The following SRBD1 variants were observed in gnomAD, a reference collection of about 807,000 sequenced individuals.
SRBD1 encodes S1 RNA-binding domain-containing protein 1.
In SRBD1, 88 loss-of-function variants were observed where a neutral mutation model predicts 115.3. That is an observed-to-expected ratio of 0.76 (90% CI 0.64 to 0.91). The LOEUF is 0.91. SRBD1 is among the 40% of genes least tolerant of loss of function. The pLI is 0.00. For missense variants in SRBD1, 1,385 were observed against 1,177.4 expected (o/e 1.18, Z -2.58); for synonymous variants, 509 against 407.7 (o/e 1.25, Z -2.99).
intron 17 of SRBD1, 146 bp from the exon 18 acceptor site, chr2:45,418,687 A>T (rs59246865): frequency 4.6e-6 from 2 of 434,030 alleles, no homozygotes; most frequent in Non-Finnish European, 7.1e-6. Context: ...AAAAAAAAAA[A>T]CAAAAAAAAA....
intron 16 of SRBD1, among the ~76,000 whole-genome samples, chr2:45,460,682 A>G (rs1669286617): frequency 6.6e-6 from 1 of 152,242 alleles, no homozygotes; most frequent in African/African-American, 2.4e-5. Flanking sequence ...CTTTATAAAA[A>G]GTAGCAAAAC....
intron 17 of SRBD1, among the ~76,000 whole-genome samples, 164 bp from the exon 18 acceptor site, chr2:45,418,705 A>G (rs1572618812): frequency 6.6e-6 from 1 of 151,996 alleles, no homozygotes; most frequent in Non-Finnish European, 1.5e-5. Context: ...AAAACGGAGA[A>G]AAAAAGAGTT....
intron 14 of SRBD1, among the ~76,000 whole-genome samples, chr2:45,490,595 T>C (rs1461949172): frequency 1.3e-5 from 2 of 152,162 alleles, no homozygotes; most frequent in Non-Finnish European, 2.9e-5. Context: ...TTTCTATCAT[T>C]TCCAGAAGCC....
chr2:45,407,508 AG>A (rs2103845061), intron 19 of SRBD1, among the ~76,000 whole-genome samples: 1 of 152,276 alleles, frequency 6.6e-6, no homozygotes, highest in East Asian at 1.9e-4. Context: ...ATCCTCCCCA[AG>A]GAGTTATTAG....
chr2:45,602,884 A>T (rs1215812847), intron 2 of SRBD1, among the ~76,000 whole-genome samples: 1 of 152,210 alleles, frequency 6.6e-6, no homozygotes, highest in East Asian at 1.9e-4. Context: ...ACCTGACTGG[A>T]TGACTTCTTA....
chr2:45,546,951 T>A, intron 13 of SRBD1, 112 bp from the exon 14 acceptor site: 1 of 998,136 alleles, frequency 1.0e-6, no homozygotes, highest in Non-Finnish European at 1.5e-6. Flanking sequence ...TATTCTCTCA[T>A]ATATACAAGC....
At chr2:45,453,503 T>A (rs1480505295) in intron 16 of SRBD1, among the ~76,000 whole-genome samples, 1 of 151,912 alleles carries the variant, frequency 6.6e-6, no homozygotes. Context: ...TACATTACTT[T>A]TAATCACTCC....
chr2:45,568,722 A>G (rs1672913603), intron 9 of SRBD1, among the ~76,000 whole-genome samples: 1 of 152,248 alleles, frequency 6.6e-6, no homozygotes, highest in Non-Finnish European at 1.5e-5. Flanking sequence ...TTAACAGAAT[A>G]AAAGCATTAA....
At chr2:45,450,752 T>G (rs1668967895) in intron 16 of SRBD1, among the ~76,000 whole-genome samples, 1 of 152,126 alleles carries the variant, frequency 6.6e-6, no homozygotes, top group African/African-American at 2.4e-5. Context: ...CTATCTTGGC[T>G]GAGTAGCACT....
intron 16 of SRBD1, among the ~76,000 whole-genome samples, chr2:45,443,908 G>A (rs1668745163): frequency 6.6e-6 from 1 of 151,736 alleles, no homozygotes; most frequent in South Asian, 2.1e-4. Context: ...ATCAGACCAG[G>A]CGCTTAATCT....
chr2:45,510,193 A>C (rs1434656715), intron 14 of SRBD1, among the ~76,000 whole-genome samples: 2 of 152,186 alleles, frequency 1.3e-5, no homozygotes, highest in East Asian at 1.9e-4. Context: ...CTTTAACTTC[A>C]TTATTTAAAA....
At chr2:45,600,563 G>A (rs1392589351) in intron 3 of SRBD1, among the ~76,000 whole-genome samples, 4 of 152,140 alleles carry the variant, frequency 2.6e-5, no homozygotes, top group African/African-American at 7.2e-5. Context: ...ATAGAACACA[G>A]AATGATAGCA....
At chr2:45,501,831 C>A (rs1208938964) in intron 14 of SRBD1, among the ~76,000 whole-genome samples, 1 of 152,180 alleles carries the variant, frequency 6.6e-6, no homozygotes, top group African/African-American at 2.4e-5. Context: ...CTCAAGGAGG[C>A]CTGCCTGCCT....
intron 3 of SRBD1, among the ~76,000 whole-genome samples, chr2:45,600,162 G>A (rs1413136951): frequency 6.6e-6 from 1 of 152,086 alleles, no homozygotes; most frequent in East Asian, 1.9e-4. Context: ...CTACATGTGC[G>A]ATAAAATTGC....
At chr2:45,424,470 A>T (rs531316571) in intron 16 of SRBD1, among the ~76,000 whole-genome samples, 2 of 152,300 alleles carry the variant, frequency 1.3e-5, no homozygotes, top group African/African-American at 4.8e-5. Context: ...CATTGTCCTC[A>T]TGTATTCCAG....
intron 16 of SRBD1, among the ~76,000 whole-genome samples, chr2:45,473,719 G>A (rs73925675): frequency 0.047 from 7,126 of 152,148 alleles, 514 homozygotes; most frequent in African/African-American, 0.16. Context: ...TTTGCTCTCT[G>A]AATACTTTTA....
chr2:45,495,727 TAG>T (rs909012046), intron 14 of SRBD1, among the ~76,000 whole-genome samples: 4 of 152,082 alleles, frequency 2.6e-5, no homozygotes, highest in African/African-American at 9.7e-5. Context: ...AGCAGGCTCA[TAG>T]AGAGGAAGGA....
At chr2:45,433,233 G>C (rs994542937) in intron 16 of SRBD1, among the ~76,000 whole-genome samples, 9 of 152,090 alleles carry the variant, frequency 5.9e-5, no homozygotes, top group Admixed American at 5.9e-4. Flanking sequence ...GGGTAAATGA[G>C]GATATACTGA....
In SRBD1 at chr2:45,581,803, C is replaced by G. The variant is rs1219667455; in HGVS notation, c.823G>C (p.Ala275Pro). The change falls in exon 6 of 21, where the codon GCA (alanine) becomes CCA (proline). Residue 275 changes from alanine to proline, a missense_variant. Ala to Pro is a conservative substitution (Grantham distance 27). Transcript: ENST00000263736. ...QQTLEELRAV[A>P]KKVHSTIQKI... ...TGGATTGTACTATGAACTTTCTTTG[C>G]AACAGCCCTGAAAAGAGAAACTTTT... 6.2e-7 allele frequency: 1 copy of G among 1,610,956 alleles called. No homozygotes were observed. The highest frequency in any genetic ancestry group is 1.7e-5 in the Admixed American group (1 of 59,504).
Sources: allele counts gnomAD v4.1 joint callset (sites outside exome capture counted in the v4.1 genomes callset), GRCh38; gene constraint gnomAD v4.1.1; transcripts MANE v1.5; gene names NCBI Gene and HGNC (gene_info 2026-07-23, HGNC 2026-07-21).